ITPKB: variants seen among roughly 807,000 people sequenced by gnomAD.
ITPKB encodes IP3 3-kinase B.
ITPKB carries 13 observed loss-of-function variants against 69.4 expected under a neutral mutation model. That is an observed-to-expected ratio of 0.19 (90% CI 0.12 to 0.30). The LOEUF is 0.30. Among genes scored for constraint, ITPKB ranks in the 10% least tolerant of loss-of-function variants. The pLI is 1.00. For missense variants in ITPKB, 1,240 were observed against 1,250.5 expected (o/e 0.99, Z 0.13); for synonymous variants, 584 against 513.7 (o/e 1.14, Z -1.85).
chr1:226,672,134 C>T (rs1188637531), intron 2 of ITPKB, among the ~76,000 whole-genome samples: 1 of 152,140 alleles, frequency 6.6e-6, no homozygotes, highest in African/African-American at 2.4e-5. Context: ...TAAAACTCTC[C>T]ATTTTAGACT....
intron 2 of ITPKB, among the ~76,000 whole-genome samples, chr1:226,700,049 T>C (rs1656596433): frequency 6.6e-6 from 1 of 152,140 alleles, no homozygotes; most frequent in Admixed American, 6.5e-5. Context: ...CCTGCTTTAT[T>C]TTCTATCTGC....
Position 226,649,447 on chromosome 1 carries a change from G to A in ITPKB, c.1933-676C>T, listed in dbSNP as rs555854462. On this transcript the variant is annotated intron_variant, in intron 2 of 7. Coordinates refer to ENST00000429204, the MANE Select transcript of ITPKB (RefSeq NM_002221.4). ...TGAGTGTGTGCGTATGTGTGCGTGT[G>A]TGTGCATGTGTGATATGTGCATGTA... Among the ~76,000 whole-genome samples, 359 of 143,554 alleles carry A rather than the reference G, an allele frequency of 2.5e-3. 2 individuals carry two copies. Among genetic ancestry groups the A allele is most frequent in the Admixed American group, 6.0e-3 (86 of 14,298 alleles). 94.2% of individuals were successfully genotyped at this position (143,554 alleles called of 152,430 possible).
At position 226,632,937 on chromosome 1, in the gene ITPKB, G is replaced by A. The variant is rs1239914745; in HGVS notation, c.*1734C>T. 1.3e-5 allele frequency: 2 copies of A among 151,606 alleles called. No individual in the cohort carries two copies. The highest frequency in any genetic ancestry group is 4.9e-5 in the African/African-American group (2 of 40,840). 9.4% of individuals were successfully genotyped at this position (151,606 alleles called of 1,614,324 possible). ...AAGTCACTATAGCTCCAGAGGCCCA[G>A]AGTTGACTTTGGCTCCCCAACGCCC... On this transcript the variant is annotated 3_prime_UTR_variant, in exon 8 of 8. Coordinates refer to ENST00000429204, the MANE Select transcript of ITPKB (RefSeq NM_002221.4).
At chr1:226,660,402 T>A (rs1669379541) in intron 2 of ITPKB, among the ~76,000 whole-genome samples, 1 of 152,008 alleles carries the variant, frequency 6.6e-6, no homozygotes, top group Admixed American at 6.6e-5. Context: ...TAAACCAGAG[T>A]CTTTTTTTGG....
At chr1:226,694,158 A>G (rs2102783028) in intron 2 of ITPKB, among the ~76,000 whole-genome samples, 2 of 152,386 alleles carry the variant, frequency 1.3e-5, no homozygotes, top group East Asian at 3.9e-4. Flanking sequence ...AGTTTCAACA[A>G]ACCAATCTCA....
At position 226,737,265 on chromosome 1, in the gene ITPKB, G is replaced by T. The variant is rs1223902613; in HGVS notation, c.194C>A (p.Ser65Tyr). The T allele has an allele frequency of 6.4e-7, 1 of 1,553,734 alleles. No homozygotes were observed. The highest frequency in any genetic ancestry group is 1.9e-5 in the Admixed American group (1 of 52,078). ...CCCGGGGCTCCGGGGCTCCTCGGGG[G>T]ACAGCGACTCGGCTGGGGGGAAGAG... is the stretch of plus-strand genomic sequence containing the variant. ...SFLFPPAESL[S>Y]PEEPRSPGGW... Residue 65 changes from serine to tyrosine, a missense_variant, in exon 2 of 8, where the codon TCC becomes TAC. Coordinates refer to ENST00000429204, the MANE Select transcript of ITPKB (RefSeq NM_002221.4).
At chr1:226,731,668 CTTTCTGAGTGTTTA>C (rs897636258) in intron 2 of ITPKB, among the ~76,000 whole-genome samples, 21 of 152,106 alleles carry the variant, frequency 1.4e-4, no homozygotes, top group African/African-American at 5.1e-4. Context: ...TTCCCTTTGA[CTTTCTGAGTGTTTA>C]TTTCCTCATC....
intron 2 of ITPKB, among the ~76,000 whole-genome samples, chr1:226,733,753 A>C (rs1657663673): frequency 6.6e-6 from 1 of 152,226 alleles, no homozygotes; most frequent in South Asian, 2.1e-4. Context: ...CACTAACTTA[A>C]AAACACCACT....
chr1:226,640,114 C>T (rs1398814276), intron 5 of ITPKB, among the ~76,000 whole-genome samples: 4 of 152,218 alleles, frequency 2.6e-5, no homozygotes, highest in South Asian at 2.1e-4. Context: ...GACTTGCTCC[C>T]GCCCTGAGCT....
At chr1:226,649,999 A>C (rs1669154955) in intron 2 of ITPKB, among the ~76,000 whole-genome samples, 1 of 152,206 alleles carries the variant, frequency 6.6e-6, no homozygotes. Context: ...TGAGTTCCTG[A>C]GAAAGTGGAT....
At chr1:226,721,770 C>G (rs1010399838) in intron 2 of ITPKB, among the ~76,000 whole-genome samples, 1 of 150,658 alleles carries the variant, frequency 6.6e-6, no homozygotes, top group African/African-American at 2.4e-5. Context: ...GCTGGGATTA[C>G]AGGCGTGAGC....
At chr1:226,679,593 T>C (rs888606285) in intron 2 of ITPKB, among the ~76,000 whole-genome samples, 1 of 152,256 alleles carries the variant, frequency 6.6e-6, no homozygotes, top group African/African-American at 2.4e-5. Context: ...TTTGAACTGA[T>C]GTTGAAAGAA....
Position 226,647,289 on chromosome 1 carries a change from C to A in ITPKB, c.2124G>T (p.Leu708=), listed in dbSNP as rs748547381. 1 of 1,614,194 alleles carries A rather than the reference C, an allele frequency of 6.2e-7. No homozygotes were observed. The highest frequency in any genetic ancestry group is 8.5e-7 in the Non-Finnish European group (1 of 1,180,010). ...RCLDRLMVDV[L]RPFVPAYHGD... ...CATGGTAGGCAGGTACGAAGGGCCT[C>A]AGCACATCCACCATCAGCCGGTCCA... is the stretch of plus-strand genomic sequence containing the variant. The change falls in exon 4 of 8, where the codon CTG becomes CTT. Residue 708 remains leucine (L), a synonymous_variant. Transcript: ENST00000429204.
At chr1:226,675,023 T>C (rs1669700605) in intron 2 of ITPKB, 1 of 150,556 alleles carries the variant, frequency 6.6e-6, no homozygotes, top group Non-Finnish European at 1.5e-5. Context: ...TTGACCTCTG[T>C]GTGGGTTTTC....
chr1:226,732,384 G>T (rs188476714), intron 2 of ITPKB, among the ~76,000 whole-genome samples: 32 of 152,020 alleles, frequency 2.1e-4, no homozygotes, highest in Non-Finnish European at 3.7e-4. Flanking sequence ...GATTACAGGC[G>T]CCCGCGACCA....
At chr1:226,717,110 C>T (rs1657115476) in intron 2 of ITPKB, among the ~76,000 whole-genome samples, 1 of 152,134 alleles carries the variant, frequency 6.6e-6, no homozygotes, top group Non-Finnish European at 1.5e-5. Flanking sequence ...TAAATACCTT[C>T]TTAAGCAGAT....
chr1:226,711,868 A>G (rs1354192568), intron 2 of ITPKB, among the ~76,000 whole-genome samples: 2 of 152,170 alleles, frequency 1.3e-5, no homozygotes, highest in East Asian at 3.9e-4. Flanking sequence ...GTAGGCTGGT[A>G]CCATGTTGGT....
At chr1:226,735,485 A>C in intron 2 of ITPKB, 42 bp downstream of exon 2, 1 of 1,457,042 alleles carries the variant, frequency 6.9e-7, no homozygotes, top group Non-Finnish European at 9.1e-7. Flanking sequence ...AAGTCTGCTG[A>C]AATCAGCATG....
At chr1:226,728,526 G>T (rs904319286) in intron 2 of ITPKB, among the ~76,000 whole-genome samples, 1 of 152,204 alleles carries the variant, frequency 6.6e-6, no homozygotes, top group Admixed American at 6.5e-5. Flanking sequence ...GGTCTTCCCC[G>T]CACAAACACT....
Sources: gnomAD v4.1 joint callset for allele counts (sites outside exome capture counted in the v4.1 genomes callset) on GRCh38, gnomAD v4.1.1 for gene constraint, MANE v1.5 for transcripts, NCBI Gene and HGNC (gene_info 2026-07-23, HGNC 2026-07-21) for gene names.